Variants in EGFL8 observed in about 807,000 individuals in gnomAD.
EGFL8 encodes EGF like domain multiple 8.
Under a neutral mutation model 39.4 loss-of-function variants are expected in EGFL8, and 32 were observed. That is an observed-to-expected ratio of 0.81 (90% CI 0.61 to 1.09). The LOEUF (loss-of-function observed/expected upper bound fraction) is 1.09, where lower values mean the gene tolerates loss of function less well. Ranked by LOEUF, EGFL8 falls within the 50% of genes least tolerant of loss-of-function variation. EGFL8 has a pLI of 0.00. For missense variants in EGFL8, 385 were observed against 402.2 expected, an observed-to-expected ratio of 0.96 and a Z score of 0.37; for synonymous variants, 177 against 168.5, an observed-to-expected ratio of 1.05 and a Z score of -0.39.
At position 32,167,426 on chromosome 6, in the gene EGFL8, G is replaced by A; in HGVS notation, c.678G>A (p.Glu226=). ...TGCGAGGGCGCCTGGAGCGGCTGGA[G>A]CAGGTGAGCCAAGCCTGCTGGGTGG... The part of the protein sequence containing the change: ...HELRGRLERL[E]QWAGQAGAWV... Residue 226 remains glutamate, a synonymous_variant, in exon 7 of 9, where the codon GAG becomes GAA. Transcript: ENST00000333845. The surrounding 1 kb of genome is among the most constrained non-coding windows in gnomAD (Gnocchi z 6.4). 1.1e-5 allele frequency: 17 copies of A among 1,612,882 alleles called. No homozygotes were observed. Among genetic ancestry groups the A allele is most frequent in the Non-Finnish European group, 1.4e-5 (17 of 1,180,028 alleles).
rs1289120268 is a variant in EGFL8, at chr6:32,166,223, C to T, written c.58C>T (p.Leu20=). The T allele has an allele frequency of 6.2e-7, 1 of 1,614,074 alleles. No individual in the cohort carries two copies. Among genetic ancestry groups the T allele is most frequent in the South Asian group, 1.1e-5 (1 of 91,078 alleles). Residue 20 remains leucine (L), a synonymous_variant, in exon 2 of 9, where the codon CTG becomes TTG. Coordinates refer to ENST00000333845, the MANE Select transcript of EGFL8 (RefSeq NM_030652.4). The surrounding 1 kb of genome is among the most constrained non-coding windows in gnomAD (Gnocchi z 7.3). ...LLGGFSFLLL[L]IPGEGAKGGS... ...AGGCGGATTCTCCTTCCTCCTGCTA[C>T]TGATACCAGGCGAGGGGGCCAAGGG...
At chr6:32,165,913 T>G in intron 1 of EGFL8, 2 of 544,226 alleles carry the variant, frequency 3.7e-6, no homozygotes, top group Non-Finnish European at 6.6e-6. Flanking sequence ...GTGGAGGGAG[T>G]GTGCTGGGGT....
chr6:32,167,775 C>A lies in EGFL8; in HGVS notation c.835+119C>A. 2.0e-6 allele frequency: 3 copies of A among 1,520,236 alleles called. No homozygotes were observed. Among genetic ancestry groups the A allele is most frequent in the Non-Finnish European group, 2.7e-6 (3 of 1,112,548 alleles). 94.2% of individuals were successfully genotyped at this position (1,520,236 alleles called of 1,614,324 possible). A position where few individuals can be genotyped will look rare whatever the true frequency, so the allele number is the denominator to read the frequency against. On this transcript the variant is annotated intron_variant, in intron 8 of 8. Transcript: ENST00000333845. The surrounding 1 kb of genome is among the most constrained non-coding windows in gnomAD (Gnocchi z 6.4). ...CTCTCCAACATTCACTATCCTCATG[C>A]CTCTCCACTTTACCATCGTTCTCTT...
Position 32,166,111 on chromosome 6 carries a change from C to T in EGFL8, c.-28-27C>T. 6.4e-7 allele frequency: 1 copy of T among 1,564,090 alleles called. No homozygotes were observed. Among genetic ancestry groups the T allele is most frequent in the Non-Finnish European group, 8.8e-7 (1 of 1,134,810 alleles). On this transcript the variant is annotated intron_variant, in intron 1 of 8. Transcript: ENST00000333845. This position sits in a 1 kb window ranked among gnomAD's most constrained non-coding sequence, Gnocchi z 7.3. Reference sequence around the variant, plus strand: ...AGAAATTAATAGGAGAGGGGACGGGCATCCATTAACCTTTTCTTGCCTGCA... The same window carrying T: ...AGAAATTAATAGGAGAGGGGACGGGTATCCATTAACCTTTTCTTGCCTGCA...
rs1302949528 is a variant in EGFL8, at chr6:32,167,397, G to T, written c.649G>T (p.Glu217Ter). Residue 217 changes from glutamate (E) to a stop codon, truncating the protein, a stop_gained, in exon 7 of 9, where the codon GAG becomes TAG. Coordinates refer to ENST00000333845, the MANE Select transcript of EGFL8 (RefSeq NM_030652.4). LOFTEE classifies it high-confidence loss of function. The surrounding 1 kb of genome is among the most constrained non-coding windows in gnomAD (Gnocchi z 6.4). ...GCGCGCTCTGAAGCAGGAGATTCAC[G>T]AGCTGCGAGGGCGCCTGGAGCGGCT... ...DERALKQEIH[E>*]LRGRLERLEQ... 6.2e-7 allele frequency: 1 copy of T among 1,612,942 alleles called. No individual in the cohort carries two copies. The highest frequency in any genetic ancestry group is 8.5e-7 in the Non-Finnish European group (1 of 1,180,020).
At position 32,166,334 on chromosome 6, in the gene EGFL8, C is replaced by T; in HGVS notation, c.101+68C>T. The stretch of plus-strand genomic sequence containing the variant: ...GAGCCTTCTGCTGGGGGTGGGGCTT[C>T]ACAGGAGGCAAAACATAACTGTAAG... On this transcript the variant is annotated intron_variant, in intron 2 of 8. Coordinates refer to ENST00000333845, the MANE Select transcript of EGFL8 (RefSeq NM_030652.4). This position sits in a 1 kb window ranked among gnomAD's most constrained non-coding sequence, Gnocchi z 7.3. The T allele has an allele frequency of 6.3e-7, 1 of 1,595,474 alleles. No individual in the cohort carries two copies. Among genetic ancestry groups the T allele is most frequent in the Admixed American group, 1.7e-5 (1 of 59,704 alleles).
In EGFL8 at chr6:32,165,564, C is replaced by CA. The variant is rs377468586; in HGVS notation, c.-28-564dup. 5.0e-3 allele frequency: 620 copies of CA among 123,570 alleles called. 2 individuals carry two copies. Among genetic ancestry groups the CA allele is most frequent in the African/African-American group, 0.016 (548 of 35,130 alleles). The allele number at this position is 123,570 out of a possible 1,614,324, so 7.7% of individuals were successfully genotyped here. On this transcript the variant is annotated intron_variant, in intron 1 of 8. Transcript: ENST00000333845. ...GAGACTCCGTCTCAAAAAACAACAA[C>CA]AAAAAAAAAACCAAAAAAAAAAAAC...
chr6:32,164,771 C>G lies in EGFL8; in HGVS notation c.-29+114C>G. On this transcript the variant is annotated intron_variant, in intron 1 of 8. Coordinates refer to ENST00000333845, the MANE Select transcript of EGFL8 (RefSeq NM_030652.4). The surrounding 1 kb of genome is among the most constrained non-coding windows in gnomAD (Gnocchi z 5.4). ...TGAGTTGCGGGGTGTTTTGTTGGAGCAAGGGATGTGCATTTAGGGCGTTAT... is the reference window on the plus strand; with the variant it reads ...TGAGTTGCGGGGTGTTTTGTTGGAGGAAGGGATGTGCATTTAGGGCGTTAT... 2 of 655,772 alleles carry G rather than the reference C, an allele frequency of 3.0e-6. No individual in the cohort carries two copies. Among genetic ancestry groups the G allele is most frequent in the Non-Finnish European group, 5.7e-6 (2 of 352,454 alleles). The allele number at this position is 655,772 out of a possible 1,614,324, so 40.6% of individuals were successfully genotyped here. A position where few individuals can be genotyped will look rare whatever the true frequency, so the allele number is the denominator to read the frequency against.
In EGFL8 at chr6:32,166,720, TGGCGGGAGGTGA is replaced by T. The variant is rs754773356; in HGVS notation, c.255_266del (p.Arg86_Val89del). On this transcript the variant is annotated inframe_deletion, in exon 4 of 9. Coordinates refer to ENST00000333845, the MANE Select transcript of EGFL8 (RefSeq NM_030652.4). The surrounding 1 kb of genome is among the most constrained non-coding windows in gnomAD (Gnocchi z 7.3). ...TTCCAGGACCATGTACCGCGTTATG[TGGCGGGAGGTGA>T]GGCGGGAGGTTCAGCAGACCCATGC... The T allele has an allele frequency of 1.0e-5, 16 of 1,600,264 alleles. No homozygotes were observed. The highest frequency in any genetic ancestry group is 5.1e-5 in the Admixed American group (3 of 59,122).
Position 32,167,291 on chromosome 6 carries a change from C to T in EGFL8, c.601+34C>T, listed in dbSNP as rs1784602004. The T allele has an allele frequency of 7.0e-7, 1 of 1,430,900 alleles. No homozygotes were observed. The highest frequency in any genetic ancestry group is 1.8e-5 in the Admixed American group (1 of 56,448). 88.6% of individuals were successfully genotyped at this position (1,430,900 alleles called of 1,614,324 possible). A position where few individuals can be genotyped will look rare whatever the true frequency, so the allele number is the denominator to read the frequency against. ...GCAGGAGTACGGGCCACCCGAGGGA[C>T]TCGGGACGGGCGTCCGGGCTCGGGT... is the stretch of plus-strand genomic sequence containing the variant. On this transcript the variant is annotated intron_variant, in intron 6 of 8. Coordinates refer to ENST00000333845, the MANE Select transcript of EGFL8 (RefSeq NM_030652.4). This position sits in a 1 kb window ranked among gnomAD's most constrained non-coding sequence, Gnocchi z 6.4.
Position 32,166,725 on chromosome 6 carries a change from G to A in EGFL8, c.249G>A (p.Arg83=). The part of the protein sequence containing the change: ...TYRTMYRVMW[R]EVRREVQQTH... ...GGACCATGTACCGCGTTATGTGGCG[G>A]GAGGTGAGGCGGGAGGTTCAGCAGA... The change falls in exon 4 of 9, where the codon CGG becomes CGA. Residue 83 remains arginine (R), a synonymous_variant. Transcript: ENST00000333845. The surrounding 1 kb of genome is among the most constrained non-coding windows in gnomAD (Gnocchi z 7.3). The A allele has an allele frequency of 4.4e-6, 7 of 1,598,830 alleles. No homozygotes were observed. The highest frequency in any genetic ancestry group is 5.1e-6 in the Non-Finnish European group (6 of 1,170,338).
At position 32,166,484 on chromosome 6, in the gene EGFL8, T is replaced by C; in HGVS notation, c.102-14T>C. ...ACTCAATCTCTCCCACCTCATCCTC[T>C]GGCATGGACGCAGTCAGGGAGTCTG... On this transcript the variant is annotated splice_polypyrimidine_tract_variant and intron_variant, in intron 2 of 8. Transcript: ENST00000333845. This position sits in a 1 kb window ranked among gnomAD's most constrained non-coding sequence, Gnocchi z 7.3. The C allele has an allele frequency of 6.2e-7, 1 of 1,613,358 alleles. No individual in the cohort carries two copies. The highest frequency in any genetic ancestry group is 8.5e-7 in the Non-Finnish European group (1 of 1,180,016).
Position 32,166,294 on chromosome 6 carries a change from G to A in EGFL8, c.101+28G>A, listed in dbSNP as rs1341674822. ...GACAACAGAGGGGGTAGGGCCCGGG[G>A]TGAGCTCTTCTCAGGAGCCTTCTGC... is the stretch of plus-strand genomic sequence containing the variant. On this transcript the variant is annotated intron_variant, in intron 2 of 8. Coordinates refer to ENST00000333845, the MANE Select transcript of EGFL8 (RefSeq NM_030652.4). This position sits in a 1 kb window ranked among gnomAD's most constrained non-coding sequence, Gnocchi z 7.3. 2 of 1,612,040 alleles carry A rather than the reference G, an allele frequency of 1.2e-6. No individual in the cohort carries two copies. The highest frequency in any genetic ancestry group is 8.5e-7 in the Non-Finnish European group (1 of 1,178,576).
In EGFL8 at chr6:32,167,784, T is replaced by C; in HGVS notation, c.836-126T>C. On this transcript the variant is annotated intron_variant, in intron 8 of 8. Transcript: ENST00000333845. The surrounding 1 kb of genome is among the most constrained non-coding windows in gnomAD (Gnocchi z 6.4). ...ATTCACTATCCTCATGCCTCTCCAC[T>C]TTACCATCGTTCTCTTCTGAAATCC... 8 of 1,522,564 alleles carry C rather than the reference T, an allele frequency of 5.3e-6. No homozygotes were observed. The highest frequency in any genetic ancestry group is 7.2e-6 in the Non-Finnish European group (8 of 1,113,448). The allele number at this position is 1,522,564 out of a possible 1,614,324, so 94.3% of individuals were successfully genotyped here. A position where few individuals can be genotyped will look rare whatever the true frequency, so the allele number is the denominator to read the frequency against.
Position 32,167,284 on chromosome 6 carries a change from C to G in EGFL8, c.601+27C>G, listed in dbSNP as rs376449054. Reference sequence around the variant, plus strand: ...TGAGTGGGCAGGAGTACGGGCCACCCGAGGGACTCGGGACGGGCGTCCGGG... The same window carrying G: ...TGAGTGGGCAGGAGTACGGGCCACCGGAGGGACTCGGGACGGGCGTCCGGG... On this transcript the variant is annotated intron_variant, in intron 6 of 8. Transcript: ENST00000333845. The surrounding 1 kb of genome is among the most constrained non-coding windows in gnomAD (Gnocchi z 6.4). 7.0e-7 allele frequency: 1 copy of G among 1,430,704 alleles called. No individual in the cohort carries two copies. Among genetic ancestry groups the G allele is most frequent in the African/African-American group, 1.7e-5 (1 of 60,562 alleles). 88.6% of individuals were successfully genotyped at this position (1,430,704 alleles called of 1,614,324 possible).
rs1018566088 is a variant in EGFL8, at chr6:32,168,108, G to A, written c.*152G>A. 1.1e-5 allele frequency: 9 copies of A among 816,378 alleles called. No homozygotes were observed. The highest frequency in any genetic ancestry group is 1.6e-5 in the Non-Finnish European group (8 of 510,184). The allele number at this position is 816,378 out of a possible 1,614,324, so 50.6% of individuals were successfully genotyped here. ...TTCAGAGAGCTGAAGAAAGGGGGAG[G>A]CCTGTGTTCTTGGCCTGCCCCTGAG... is the stretch of plus-strand genomic sequence containing the variant. On this transcript the variant is annotated 3_prime_UTR_variant, in exon 9 of 9. Transcript: ENST00000333845. The surrounding 1 kb of genome is among the most constrained non-coding windows in gnomAD (Gnocchi z 4.5).
rs953689697 is a variant in EGFL8 at position 32,166,424 on chromosome 6, G to A, written c.102-74G>A. 4 of 1,610,132 alleles carry A rather than the reference G, an allele frequency of 2.5e-6. No individual in the cohort carries two copies. The African/African-American group carries it at 4.0e-5, about 16-fold the overall frequency. On this transcript the variant is annotated intron_variant, in intron 2 of 8. Transcript: ENST00000333845. This position sits in a 1 kb window ranked among gnomAD's most constrained non-coding sequence, Gnocchi z 7.3. ...CGGGGGGCCTCAGTAGCCTCTTGAG[G>A]GAAGTGGGACTCCTGGCTCCCCAGG... is the stretch of plus-strand genomic sequence containing the variant.
rs1298065301 is a variant in EGFL8 at position 32,167,542 on chromosome 6, C to G, written c.721C>G (p.Pro241Ala). 1 of 1,608,454 alleles carries G rather than the reference C, an allele frequency of 6.2e-7. No individual in the cohort carries two copies. The highest frequency in any genetic ancestry group is 1.3e-5 in the African/African-American group (1 of 74,944). ...QAGAWVRAVL[P>A]VPPEELQPEQ... is the part of the protein sequence containing the mutation. ...TGGGGCCTGGGTCAGAGCGGTGCTG[C>G]CCGTGCCGCCTGAAGAGCTGCAGCC... is the stretch of plus-strand genomic sequence containing the variant. The change falls in exon 8 of 9, where the codon CCC becomes GCC. Residue 241 changes from proline to alanine, a missense_variant. Physicochemically the swap from Pro to Ala is conservative, Grantham distance 27. Transcript: ENST00000333845. This position sits in a 1 kb window ranked among gnomAD's most constrained non-coding sequence, Gnocchi z 6.4.
At position 32,166,602 on chromosome 6, in the gene EGFL8, G is replaced by C. The variant is rs753309190; in HGVS notation, c.206G>C (p.Arg69Pro). The change falls in exon 3 of 9, where the codon CGC becomes CCC. Residue 69 changes from arginine (R) to proline (P), a missense_variant. Arg to Pro is a moderately radical substitution (Grantham distance 103). Coordinates refer to ENST00000333845, the MANE Select transcript of EGFL8 (RefSeq NM_030652.4). The surrounding 1 kb of genome is among the most constrained non-coding windows in gnomAD (Gnocchi z 7.3). Reference sequence around the variant, plus strand: ...TACCTGACCTTGTGCGCTGGGAGGCGCATCTGCAGCACTTACAGGTGAGGG... The same window carrying C: ...TACCTGACCTTGTGCGCTGGGAGGCCCATCTGCAGCACTTACAGGTGAGGG... ...KPYLTLCAGR[R>P]ICSTYRTMYR... The C allele has an allele frequency of 2.5e-6, 4 of 1,614,206 alleles. No individual in the cohort carries two copies. In the East Asian group the frequency reaches 8.9e-5, roughly 36 times the overall value.
Sources: allele counts gnomAD v4.1 joint callset, GRCh38; gene constraint gnomAD v4.1.1; non-coding constraint Gnocchi (gnomAD v3.1); transcripts MANE v1.5; gene names NCBI Gene and HGNC (gene_info 2026-07-23, HGNC 2026-07-21).